Variants in CCBE1 observed in about 807,000 individuals in gnomAD.
The protein encoded by CCBE1 is collagen and calcium-binding EGF domain-containing protein 1.
CCBE1 carries 37 observed loss-of-function variants against 50.0 expected under a neutral mutation model. The ratio of observed to expected loss-of-function variants is 0.74; its 90% CI spans 0.57 to 0.97. The LOEUF (loss-of-function observed/expected upper bound fraction) is 0.97. Ranked by LOEUF, CCBE1 falls within the 50% of genes least tolerant of loss-of-function variation. CCBE1 has a pLI of 0.00. For synonymous variants in CCBE1, 234 were observed against 203.7 expected, an observed-to-expected ratio of 1.15 and a Z score of -1.27; for missense variants, 538 against 523.8, an observed-to-expected ratio of 1.03 and a Z score of -0.26.
At chr18:59,625,158 G>A (rs908155773) in intron 2 of CCBE1, among the ~76,000 whole-genome samples, 1 of 152,188 alleles carries the variant, frequency 6.6e-6, no homozygotes, top group African/African-American at 2.4e-5. Flanking sequence ...TAGGCCGGGC[G>A]TGGTGGCTCC....
intron 2 of CCBE1, among the ~76,000 whole-genome samples, chr18:59,505,614 C>T (rs1913833896): frequency 1.3e-5 from 2 of 152,202 alleles, no homozygotes; most frequent in South Asian, 4.1e-4. Flanking sequence ...TACTGTGTTA[C>T]ACAATTTCAT....
intron 2 of CCBE1, among the ~76,000 whole-genome samples, chr18:59,528,427 T>C (rs1914914383): frequency 6.6e-6 from 1 of 152,228 alleles, no homozygotes; most frequent in African/African-American, 2.4e-5. Flanking sequence ...TTTAGCTCAG[T>C]GAAGTTCGTT....
intron 2 of CCBE1, among the ~76,000 whole-genome samples, chr18:59,497,831 G>A (rs1055839793): frequency 6.6e-6 from 1 of 152,150 alleles, no homozygotes; most frequent in Non-Finnish European, 1.5e-5. Flanking sequence ...GCCCCTCCAG[G>A]TTAAAAAGAC....
chr18:59,556,355 A>G (rs1279006095), intron 2 of CCBE1, among the ~76,000 whole-genome samples: 1 of 152,156 alleles, frequency 6.6e-6, no homozygotes, highest in Non-Finnish European at 1.5e-5. Flanking sequence ...ATGATTGAGT[A>G]CAGAGTGCGA....
chr18:59,555,787 A>C (rs2052646742), intron 2 of CCBE1, among the ~76,000 whole-genome samples: 2 of 152,224 alleles, frequency 1.3e-5, no homozygotes, highest in South Asian at 4.1e-4. Context: ...AAGAATGCCA[A>C]CAGCCCTGGG....
At chr18:59,452,895 T>C (rs1335613892) in intron 6 of CCBE1, among the ~76,000 whole-genome samples, 1 of 152,218 alleles carries the variant, frequency 6.6e-6, no homozygotes, top group African/African-American at 2.4e-5. Context: ...AAGATTTTGG[T>C]ATAAGGTAGA....
chr18:59,549,838 C>T (rs1915849521), intron 2 of CCBE1, among the ~76,000 whole-genome samples: 2 of 152,210 alleles, frequency 1.3e-5, no homozygotes, highest in Non-Finnish European at 2.9e-5. Flanking sequence ...GTAAAGAGTA[C>T]AGCAATGTGA....
chr18:59,483,186 GT>G (rs1270745735), intron 2 of CCBE1, among the ~76,000 whole-genome samples: 4 of 152,044 alleles, frequency 2.6e-5, no homozygotes, highest in African/African-American at 9.7e-5. Flanking sequence ...TTTCATGTAG[GT>G]TACATAAGGT....
intron 2 of CCBE1, among the ~76,000 whole-genome samples, chr18:59,608,727 G>T (rs1599058883): frequency 6.6e-6 from 1 of 152,148 alleles, no homozygotes; most frequent in African/African-American, 2.4e-5. Flanking sequence ...TCATAATCAA[G>T]TTTCTCTTCT....
rs115507684 is a variant in CCBE1 at position 59,580,010 on chromosome 18, C to T, written c.213-99772G>A. On this transcript the variant is annotated intron_variant, in intron 2 of 10. Coordinates refer to ENST00000439986, the MANE Select transcript of CCBE1 (RefSeq NM_133459.4). Reference sequence around the variant, plus strand: ...TGAGAAGAGCAAATCACATCTGATTCGAATAGGATGGATCTTCTGTGAAAG... The same window carrying T: ...TGAGAAGAGCAAATCACATCTGATTTGAATAGGATGGATCTTCTGTGAAAG... Among the ~76,000 whole-genome samples, 519 of 152,202 alleles carry T rather than the reference C, an allele frequency of 3.4e-3. 1 individual carries two copies. The highest frequency in any genetic ancestry group is 0.012 in the African/African-American group (489 of 41,538).
In CCBE1 at chr18:59,561,039, T is replaced by C. The variant is rs528193804; in HGVS notation, c.213-80801A>G. ...TTCCAAATGGGACATGGTGCACAGA[T>C]GGGCCTGCTGGTGTGGTCCAGCCTA... On this transcript the variant is annotated intron_variant, in intron 2 of 10. Transcript: ENST00000439986. Among the ~76,000 whole-genome samples the C allele has an allele frequency of 1.8e-4, 28 of 151,428 alleles. No individual in the cohort carries two copies. In the South Asian group the frequency reaches 4.4e-3, roughly 24 times the overall value.
At chr18:59,439,164 G>A (rs972464217) in intron 9 of CCBE1, among the ~76,000 whole-genome samples, 3 of 152,214 alleles carry the variant, frequency 2.0e-5, no homozygotes, top group Non-Finnish European at 2.9e-5. Context: ...GCGGTCGCCT[G>A]TAGTCCCAGC....
intron 2 of CCBE1, among the ~76,000 whole-genome samples, chr18:59,544,672 AAG>A (rs1915613535): frequency 6.6e-6 from 1 of 152,220 alleles, no homozygotes; most frequent in Non-Finnish European, 1.5e-5. Flanking sequence ...AGATGAGGGA[AAG>A]AGGGAAAGAG....
At position 59,645,980 on chromosome 18, in the gene CCBE1, G is replaced by A. The variant is rs567328117; in HGVS notation, c.212+50649C>T. Among the ~76,000 whole-genome samples the A allele has an allele frequency of 2.0e-5, 3 of 151,984 alleles. No individual in the cohort carries two copies. In the East Asian group the frequency reaches 5.8e-4, roughly 29 times the overall value. On this transcript the variant is annotated intron_variant, in intron 2 of 10. Coordinates refer to ENST00000439986, the MANE Select transcript of CCBE1 (RefSeq NM_133459.4). ...CGGCAGACGGAGCTTGCAGTGAGCC[G>A]AGATTGCGCCACTGCAGTCCAGCCT... is the stretch of plus-strand genomic sequence containing the variant.
chr18:59,594,870 T>C (rs1024638558), intron 2 of CCBE1, among the ~76,000 whole-genome samples: 1 of 151,990 alleles, frequency 6.6e-6, no homozygotes, highest in Non-Finnish European at 1.5e-5. Flanking sequence ...TCCCAGCACT[T>C]TGGGAGGCCG....
intron 2 of CCBE1, among the ~76,000 whole-genome samples, chr18:59,692,770 G>A (rs1488603605): frequency 1.3e-5 from 2 of 152,080 alleles, no homozygotes; most frequent in African/African-American, 4.8e-5. Context: ...GCTGCCCTAA[G>A]CAAGAACACT....
Position 59,612,830 on chromosome 18 carries a change from TTTTTTGTTTTTGTTTTTG to T in CCBE1, c.212+83781_212+83798del, listed in dbSNP as rs1192075339. On this transcript the variant is annotated intron_variant, in intron 2 of 10. Coordinates refer to ENST00000439986, the MANE Select transcript of CCBE1 (RefSeq NM_133459.4). ...AATCTCAAGGGTTTTTTTTTTGTTT[TTTTTTGTTTTTGTTTTTG>T]TTTTTTTTAATGTCTGTTAGATGGC... Among the ~76,000 whole-genome samples, 51 of 114,008 alleles carry T rather than the reference TTTTTTGTTTTTGTTTTTG, an allele frequency of 4.5e-4. No homozygotes were observed. In the East Asian group the frequency reaches 0.016, roughly 37 times the overall value. 74.8% of individuals were successfully genotyped at this position (114,008 alleles called of 152,430 possible).
At chr18:59,535,958 G>C (rs962069297) in intron 2 of CCBE1, among the ~76,000 whole-genome samples, 11 of 152,204 alleles carry the variant, frequency 7.2e-5, no homozygotes, top group African/African-American at 2.4e-5. Context: ...AAAGTGTTTG[G>C]ATTACAGGCA....
At chr18:59,597,689 A>G (rs546021175) in intron 2 of CCBE1, among the ~76,000 whole-genome samples, 1 of 152,346 alleles carries the variant, frequency 6.6e-6, no homozygotes, top group South Asian at 2.1e-4. Context: ...CTCTGCCAGC[A>G]TCACCAGGAC....
Sources: gnomAD v4.1 joint callset for allele counts (sites outside exome capture counted in the v4.1 genomes callset) on GRCh38, gnomAD v4.1.1 for gene constraint, MANE v1.5 for transcripts, NCBI Gene and HGNC (gene_info 2026-07-23, HGNC 2026-07-21) for gene names.